The following GMDS variants were observed in gnomAD, a reference collection of about 807,000 sequenced individuals.
The protein encoded by GMDS is GDP-mannose 4,6-dehydratase, also known as GDP-mannose 4,6 dehydratase.
A neutral mutation model predicts 49.9 loss-of-function variants in GMDS; 20 were observed. The ratio of observed to expected loss-of-function variants is 0.40; its 90% CI spans 0.28 to 0.58. The LOEUF (loss-of-function observed/expected upper bound fraction) is 0.58, where lower values mean the gene tolerates loss of function less well. GMDS is among the 20% of genes least tolerant of loss of function. The pLI, the probability that GMDS is intolerant of heterozygous loss-of-function variation, is 0.42. For synonymous variants in GMDS, 177 were observed against 178.6 expected, an observed-to-expected ratio of 0.99 and a Z score of 0.07; for missense variants, 362 against 481.4, an observed-to-expected ratio of 0.75 and a Z score of 2.32.
At chr6:1,634,338 C>T (rs763973799) in intron 9 of GMDS, among the ~76,000 whole-genome samples, 14 of 152,182 alleles carry the variant, frequency 9.2e-5, no homozygotes, top group Admixed American at 2.6e-4. Flanking sequence ...ACTGAGATGC[C>T]GCTCCACCCT....
chr6:1,832,542 A>G (rs910994546), intron 7 of GMDS, among the ~76,000 whole-genome samples: 6 of 152,008 alleles, frequency 3.9e-5, no homozygotes, highest in Non-Finnish European at 8.8e-5. Flanking sequence ...ATGATCACCT[A>G]CTTTTGTGCC....
At chr6:2,209,027 G>A (rs190874820) in intron 1 of GMDS, among the ~76,000 whole-genome samples, 1 of 152,206 alleles carries the variant, frequency 6.6e-6, no homozygotes, top group East Asian at 1.9e-4. Context: ...AAACTGTTTT[G>A]GATCCCCACC....
chr6:1,889,416 C>G (rs1373708705), intron 7 of GMDS, among the ~76,000 whole-genome samples: 1 of 152,078 alleles, frequency 6.6e-6, no homozygotes, highest in Admixed American at 6.6e-5. Context: ...AAAAAAGAGC[C>G]GTGCTCCCAG....
At chr6:1,688,076 C>A (rs1030256960) in intron 9 of GMDS, among the ~76,000 whole-genome samples, 1 of 152,074 alleles carries the variant, frequency 6.6e-6, no homozygotes, top group Non-Finnish European at 1.5e-5. Context: ...GAGAGGATGG[C>A]GGCTTTGTTT....
intron 1 of GMDS, among the ~76,000 whole-genome samples, chr6:2,192,753 C>A (rs1268800748): frequency 1.3e-5 from 2 of 152,198 alleles, no homozygotes; most frequent in Non-Finnish European, 1.5e-5. Context: ...AGCCCAACCC[C>A]GCACTCACTC....
intron 9 of GMDS, among the ~76,000 whole-genome samples, chr6:1,636,635 G>C (rs931532126): frequency 6.6e-6 from 1 of 152,224 alleles, no homozygotes; most frequent in Non-Finnish European, 1.5e-5. Context: ...CCCATGGAGG[G>C]ATGAGCCCCC....
At chr6:1,963,930 A>G (rs1002465825) in intron 4 of GMDS, among the ~76,000 whole-genome samples, 8 of 152,228 alleles carry the variant, frequency 5.3e-5, no homozygotes, top group African/African-American at 1.7e-4. Flanking sequence ...ACTGAGGTTC[A>G]GAAAGATGGA....
intron 1 of GMDS, among the ~76,000 whole-genome samples, chr6:2,160,055 T>C (rs1777316659): frequency 6.6e-6 from 1 of 152,198 alleles, no homozygotes; most frequent in Non-Finnish European, 1.5e-5. Context: ...TTCAATCTTT[T>C]AGAGTTAATA....
At chr6:1,777,804 C>G (rs565575557) in intron 7 of GMDS, among the ~76,000 whole-genome samples, 3 of 152,270 alleles carry the variant, frequency 2.0e-5, no homozygotes, top group African/African-American at 7.2e-5. Context: ...GCAAACTGTT[C>G]TCAGCAGACG....
chr6:1,980,790 G>A (rs1369321173), intron 4 of GMDS, among the ~76,000 whole-genome samples: 1 of 152,034 alleles, frequency 6.6e-6, no homozygotes, highest in East Asian at 1.9e-4. Context: ...ATAATCAGAG[G>A]AAAAACACTC....
intron 4 of GMDS, among the ~76,000 whole-genome samples, chr6:2,041,978 C>T (rs1245383439): frequency 1.3e-5 from 2 of 152,228 alleles, no homozygotes; most frequent in East Asian, 3.9e-4. Flanking sequence ...ATATTCCATC[C>T]CATCCAAGGA....
At chr6:1,845,628 G>T (rs538022197) in intron 7 of GMDS, among the ~76,000 whole-genome samples, 6 of 152,290 alleles carry the variant, frequency 3.9e-5, no homozygotes, top group East Asian at 1.9e-4. Context: ...GACTGGTTTT[G>T]TGGAAGACAA....
chr6:1,878,314 CAAAAAAA>C (rs11463549), intron 7 of GMDS, among the ~76,000 whole-genome samples: 68 of 72,548 alleles, frequency 9.4e-4, no homozygotes, highest in African/African-American at 3.4e-3. Context: ...GAATCCATCT[CAAAAAAA>C]AAAAAAAAAA....
At chr6:1,839,801 T>A (rs1356975581) in intron 7 of GMDS, among the ~76,000 whole-genome samples, 1 of 152,036 alleles carries the variant, frequency 6.6e-6, no homozygotes, top group Non-Finnish European at 1.5e-5. Flanking sequence ...GGAGTCCCAG[T>A]GATGAGTGTG....
At chr6:1,676,439 C>T (rs1182368878) in intron 9 of GMDS, among the ~76,000 whole-genome samples, 6 of 152,014 alleles carry the variant, frequency 3.9e-5, no homozygotes, top group Non-Finnish European at 7.4e-5. Flanking sequence ...CTACTTTAAA[C>T]TTCATATGGA....
At chr6:2,061,110 G>A (rs530912796) in intron 4 of GMDS, among the ~76,000 whole-genome samples, 7 of 152,212 alleles carry the variant, frequency 4.6e-5, no homozygotes, top group South Asian at 2.1e-4. Context: ...GCAGGAGCAC[G>A]GTTGCTGTGT....
intron 9 of GMDS, among the ~76,000 whole-genome samples, chr6:1,637,058 AGCGCCAGGCATG>A (rs1344381953): frequency 1.3e-5 from 2 of 152,256 alleles, no homozygotes; most frequent in African/African-American, 4.8e-5. Flanking sequence ...CTCCTAGCCC[AGCGCCAGGCATG>A]GCTCCAGGCA....
At chr6:2,065,252 C>A (rs896547952) in intron 4 of GMDS, among the ~76,000 whole-genome samples, 1 of 145,286 alleles carries the variant, frequency 6.9e-6, no homozygotes, top group African/African-American at 2.5e-5. Context: ...GAAAGGACAT[C>A]CACACCAAAA....
In GMDS at chr6:1,726,513, C is replaced by G. The variant is rs984760614; in HGVS notation, c.891-1G>C. On this transcript the variant is annotated splice_acceptor_variant, in intron 8 of 10. Coordinates refer to ENST00000380815, the MANE Select transcript of GMDS (RefSeq NM_001500.4). LOFTEE classifies it high-confidence loss of function. ...TTCATTTTCATTCTTTCCTTCCCAC[C>G]TGTAAGGAAGATAAACACTGAATCA... 1 of 1,599,376 alleles carries G rather than the reference C, an allele frequency of 6.3e-7. No homozygotes were observed. The highest frequency in any genetic ancestry group is 8.6e-7 in the Non-Finnish European group (1 of 1,166,466).
Sources: gnomAD v4.1 joint callset for allele counts (sites outside exome capture counted in the v4.1 genomes callset) on GRCh38, gnomAD v4.1.1 for gene constraint, MANE v1.5 for transcripts, NCBI Gene and HGNC (gene_info 2026-07-23, HGNC 2026-07-21) for gene names.